The following EYA2 variants were observed in gnomAD, a reference collection of about 807,000 sequenced individuals.
The protein encoded by EYA2 is EYA transcriptional coactivator and phosphatase 2.
In EYA2, 31 loss-of-function variants were observed where a neutral mutation model predicts 69.2. The ratio of observed to expected loss-of-function variants is 0.45; its 90% CI spans 0.34 to 0.60. EYA2 has a LOEUF of 0.60. Ranked by LOEUF, EYA2 falls within the 20% of genes least tolerant of loss-of-function variation. EYA2 has a pLI of 0.02. For missense variants in EYA2, 622 were observed against 701.2 expected (o/e 0.89, Z 1.28); for synonymous variants, 257 against 279.4 (o/e 0.92, Z 0.80).
chr20:46,928,329 C>T (rs1040890330), intron 1 of EYA2, among the ~76,000 whole-genome samples: 2 of 152,170 alleles, frequency 1.3e-5, no homozygotes, highest in South Asian at 4.2e-4. Flanking sequence ...ACTGCTTTGG[C>T]CACTCTTAAG....
At chr20:46,954,407 A>G (rs1265276937) in intron 1 of EYA2, among the ~76,000 whole-genome samples, 2 of 152,212 alleles carry the variant, frequency 1.3e-5, no homozygotes, top group Non-Finnish European at 2.9e-5. Flanking sequence ...AAAATCGGTA[A>G]ATTTAGGAGC....
chr20:46,932,510 G>A (rs1985715166), intron 1 of EYA2, among the ~76,000 whole-genome samples: 1 of 151,562 alleles, frequency 6.6e-6, no homozygotes, highest in South Asian at 2.1e-4. Flanking sequence ...GGTGGGAGGT[G>A]ATTGGATCTT....
At chr20:46,947,075 C>A (rs1978503188) in intron 1 of EYA2, among the ~76,000 whole-genome samples, 1 of 152,226 alleles carries the variant, frequency 6.6e-6, no homozygotes, top group Admixed American at 6.5e-5. Context: ...CTCTTGGCCC[C>A]CAAAGCCTAA....
intron 5 of EYA2, among the ~76,000 whole-genome samples, chr20:47,065,488 G>A (rs2031075175): frequency 6.6e-6 from 1 of 151,860 alleles, no homozygotes; most frequent in Non-Finnish European, 1.5e-5. Context: ...ATGGGAGGTG[G>A]GGCAATTAGG....
At chr20:46,980,436 G>A (rs1030416371) in intron 1 of EYA2, among the ~76,000 whole-genome samples, 3 of 151,516 alleles carry the variant, frequency 2.0e-5, no homozygotes, top group South Asian at 2.1e-4. Context: ...CAAAAAACTC[G>A]CTGTGCTGAA....
At chr20:47,030,005 G>A (rs776457940) in intron 5 of EYA2, among the ~76,000 whole-genome samples, 3 of 152,268 alleles carry the variant, frequency 2.0e-5, no homozygotes, top group East Asian at 1.9e-4. Flanking sequence ...CCAATTACTC[G>A]TAACTCTGTC....
At chr20:47,028,603 A>G (rs1984228091) in intron 5 of EYA2, among the ~76,000 whole-genome samples, 1 of 152,244 alleles carries the variant, frequency 6.6e-6, no homozygotes, top group South Asian at 2.1e-4. Flanking sequence ...GGTGAGCAAG[A>G]CAAATACAGT....
chr20:46,991,020 G>A (rs771985174), intron 2 of EYA2, among the ~76,000 whole-genome samples: 4 of 152,322 alleles, frequency 2.6e-5, no homozygotes, highest in Non-Finnish European at 2.9e-5. Context: ...CTGGAACTGC[G>A]CTGATGAAAG....
At chr20:47,174,623 G>A (rs1284899833) in intron 12 of EYA2, among the ~76,000 whole-genome samples, 1 of 152,240 alleles carries the variant, frequency 6.6e-6, no homozygotes, top group Non-Finnish European at 1.5e-5. Context: ...CGTGCTAAGC[G>A]CGGTCCTGGC....
chr20:47,148,409 AGG>A (rs1411286045), intron 10 of EYA2, among the ~76,000 whole-genome samples: 1 of 152,198 alleles, frequency 6.6e-6, no homozygotes, highest in African/African-American at 2.4e-5. Context: ...CCCTGGGGAT[AGG>A]CAAGTGGGGG....
At chr20:46,947,636 A>G (rs886868821) in intron 1 of EYA2, among the ~76,000 whole-genome samples, 1 of 152,208 alleles carries the variant, frequency 6.6e-6, no homozygotes, top group Admixed American at 6.5e-5. Context: ...ATCACTGGGG[A>G]TCCTGAAGGA....
At chr20:46,991,293 C>G (rs775967142) in intron 2 of EYA2, among the ~76,000 whole-genome samples, 2 of 152,186 alleles carry the variant, frequency 1.3e-5, no homozygotes, top group Non-Finnish European at 2.9e-5. Context: ...GGGGGGAATC[C>G]CAGCCCACTG....
intron 10 of EYA2, among the ~76,000 whole-genome samples, chr20:47,144,951 C>T (rs897245938): frequency 6.6e-6 from 1 of 152,152 alleles, no homozygotes; most frequent in African/African-American, 2.4e-5. Context: ...AAGACTCAGC[C>T]GATTGCAAAG....
At chr20:47,059,471 C>G (rs1476792763) in intron 5 of EYA2, among the ~76,000 whole-genome samples, 1 of 152,194 alleles carries the variant, frequency 6.6e-6, no homozygotes, top group Non-Finnish European at 1.5e-5. Context: ...CTGCCTCAGC[C>G]TCCCAAGTAG....
At chr20:47,062,553 A>G (rs1465997247) in intron 5 of EYA2, among the ~76,000 whole-genome samples, 6 of 152,228 alleles carry the variant, frequency 3.9e-5, no homozygotes, top group Non-Finnish European at 5.9e-5. Flanking sequence ...CTCTCCTGGC[A>G]GCTGTAATAA....
chr20:46,898,206 T>A (rs1480595121), intron 1 of EYA2, among the ~76,000 whole-genome samples: 1 of 151,572 alleles, frequency 6.6e-6, no homozygotes, highest in Non-Finnish European at 1.5e-5. Context: ...TGACTAAGAC[T>A]GGGTTTTGTT....
intron 12 of EYA2, 106 bp downstream of exon 12, chr20:47,172,973 A>G: frequency 1.5e-6 from 2 of 1,295,750 alleles, no homozygotes; most frequent in East Asian, 2.4e-5. Context: ...TCACAAGTTC[A>G]GTACCAGCCC....
chr20:47,145,669 C>T (rs182101795), intron 10 of EYA2, among the ~76,000 whole-genome samples: 5 of 152,096 alleles, frequency 3.3e-5, no homozygotes, highest in African/African-American at 9.6e-5. Flanking sequence ...GAGGCCAAGG[C>T]GGGTGGATCA....
intron 4 of EYA2, among the ~76,000 whole-genome samples, chr20:47,005,852 C>T (rs1362137635): frequency 6.6e-6 from 1 of 152,226 alleles, no homozygotes; most frequent in Non-Finnish European, 1.5e-5. Flanking sequence ...TTGCCTCTGG[C>T]CTTGAGTCAT....
Sources: gnomAD v4.1 joint callset for allele counts (sites outside exome capture counted in the v4.1 genomes callset) on GRCh38, gnomAD v4.1.1 for gene constraint, MANE v1.5 for transcripts, NCBI Gene and HGNC (gene_info 2026-07-23, HGNC 2026-07-21) for gene names.